Variants in PDE6B observed in about 807,000 individuals in gnomAD.
The protein encoded by PDE6B is rod cGMP-specific 3',5'-cyclic phosphodiesterase subunit beta.
PDE6B carries 106 observed loss-of-function variants against 109.0 expected under a neutral mutation model. The observed-to-expected ratio is 0.97, with a 90% CI of 0.83 to 1.14. The LOEUF is 1.14. PDE6B is among the 50% of genes most tolerant of loss of function. The pLI is 0.00. For synonymous variants in PDE6B, 490 were observed against 471.3 expected (o/e 1.04, Z -0.51); for missense variants, 1,193 against 1,155.6 (o/e 1.03, Z -0.47).
At chr4:655,841 C>T in intron 6 of PDE6B, 99 bp from the exon 7 acceptor site, 1 of 796,190 alleles carries the variant, frequency 1.3e-6, no homozygotes. Flanking sequence ...CCTAGACCAG[C>T]CCCTCTCACC....
Position 660,456 on chromosome 4 carries a change from C to A in PDE6B, c.1468-11C>A, listed in dbSNP as rs1736927234. 1.2e-6 allele frequency: 2 copies of A among 1,613,320 alleles called. No individual in the cohort carries two copies. The highest frequency in any genetic ancestry group is 1.7e-6 in the Non-Finnish European group (2 of 1,179,670). On this transcript the variant is annotated splice_polypyrimidine_tract_variant and intron_variant, in intron 11 of 21. Coordinates refer to ENST00000496514, the MANE Select transcript of PDE6B (RefSeq NM_000283.4). ...AGGCCAACCTCCCTCAGCCCACAAT[C>A]CCTCCCACAGAAGGAGGAGCTGCCA...
chr4:647,461 A>G (rs1735260914), intron 3 of PDE6B, among the ~76,000 whole-genome samples: 1 of 152,052 alleles, frequency 6.6e-6, no homozygotes. Context: ...CTGCCATAAC[A>G]AAATACCACA....
chr4:643,554 T>C (rs2109153824), intron 3 of PDE6B, among the ~76,000 whole-genome samples: 1 of 152,278 alleles, frequency 6.6e-6, no homozygotes, highest in East Asian at 1.9e-4. Flanking sequence ...GCTTTCTTTT[T>C]GGATGATTAT....
In PDE6B at chr4:633,565, A is replaced by T. The variant is rs1734495040; in HGVS notation, c.469-1112A>T. On this transcript the variant is annotated intron_variant, in intron 1 of 21. Coordinates refer to ENST00000496514, the MANE Select transcript of PDE6B (RefSeq NM_000283.4). This position sits in a 1 kb window ranked among gnomAD's most constrained non-coding sequence, Gnocchi z 4.5. ...CTGCAGGGCCACCGTCCCTAGAAAC[A>T]GCAGGAGATGTGAGGCGCATCCCAG... Among the ~76,000 whole-genome samples, 1 of 152,170 alleles carries T rather than the reference A, an allele frequency of 6.6e-6. No individual in the cohort carries two copies. The highest frequency in any genetic ancestry group is 2.1e-4 in the South Asian group (1 of 4,834).
chr4:657,365 C>A lies in PDE6B; in HGVS notation c.1272C>A (p.Phe424Leu), dbSNP rs202194404. ...DEVLMESLTQ[F>L]LGWSVMNTDT... Reference sequence around the variant, plus strand: ...ATCCCCTCCAGTCCCTGACACAGTTCCTGGGCTGGTCAGTGATGAACACCG... The same window carrying A: ...ATCCCCTCCAGTCCCTGACACAGTTACTGGGCTGGTCAGTGATGAACACCG... The change falls in exon 10 of 22, where the codon TTC becomes TTA. Residue 424 changes from phenylalanine (F) to leucine (L), a missense_variant. Transcript: ENST00000496514. 1 of 1,612,930 alleles carries A rather than the reference C, an allele frequency of 6.2e-7. No homozygotes were observed. Among genetic ancestry groups the A allele is most frequent in the African/African-American group, 1.3e-5 (1 of 74,930 alleles).
chr4:630,751 C>T (rs1313706607), intron 1 of PDE6B, among the ~76,000 whole-genome samples: 1 of 152,232 alleles, frequency 6.6e-6, no homozygotes, highest in Admixed American at 6.5e-5. Context: ...TTCCGGCTGC[C>T]TGCTCTGGAC....
rs1297487224 is a variant in PDE6B, at chr4:648,634, C to G, written c.712-5218C>G. 2.6e-5 allele frequency among the ~76,000 whole-genome samples: 4 copies of G among 152,238 alleles called. No individual in the cohort carries two copies. Among genetic ancestry groups the G allele is most frequent in the Non-Finnish European group, 4.4e-5 (3 of 68,054 alleles). On this transcript the variant is annotated intron_variant, in intron 3 of 21. Transcript: ENST00000496514. The surrounding 1 kb of genome is among the most constrained non-coding windows in gnomAD (Gnocchi z 4.5). Reference sequence around the variant, plus strand: ...CCCTTTCTGAAAAGCCTCTCGGACACTCCCATCAGAGCCAACAGAGGCCGC... The same window carrying G: ...CCCTTTCTGAAAAGCCTCTCGGACAGTCCCATCAGAGCCAACAGAGGCCGC...
intron 8 of PDE6B, among the ~76,000 whole-genome samples, chr4:656,503 G>A (rs1030944426): frequency 4.0e-5 from 6 of 151,734 alleles, no homozygotes; most frequent in Admixed American, 2.6e-4. Flanking sequence ...CCGCAAGGCC[G>A]TGACCGCGGC....
At position 636,044 on chromosome 4, in the gene PDE6B, C is replaced by A; in HGVS notation, c.711+75C>A. ...GCCCATCTCGCTGCCTGCACAGAGG[C>A]GGGTGGTGGCAGGTGGTCTTGTGCT... On this transcript the variant is annotated intron_variant, in intron 3 of 21. Transcript: ENST00000496514. This position sits in a 1 kb window ranked among gnomAD's most constrained non-coding sequence, Gnocchi z 4.5. 1.1e-6 allele frequency: 1 copy of A among 881,878 alleles called. No individual in the cohort carries two copies. Among genetic ancestry groups the A allele is most frequent in the Non-Finnish European group, 1.9e-6 (1 of 519,820 alleles). The allele number at this position is 881,878 out of a possible 1,614,324, so 54.6% of individuals were successfully genotyped here. A position where few individuals can be genotyped will look rare whatever the true frequency, so the allele number is the denominator to read the frequency against.
rs1482707772 is a variant in PDE6B at position 648,054 on chromosome 4, A to G, written c.712-5798A>G. ...CGCGCCACTGCACTTTAGCCTGGGCAACAAGAGCAAAACTCCATCTCGAAA... is the reference window on the plus strand; with the variant it reads ...CGCGCCACTGCACTTTAGCCTGGGCGACAAGAGCAAAACTCCATCTCGAAA... On this transcript the variant is annotated intron_variant, in intron 3 of 21. Coordinates refer to ENST00000496514, the MANE Select transcript of PDE6B (RefSeq NM_000283.4). This position sits in a 1 kb window ranked among gnomAD's most constrained non-coding sequence, Gnocchi z 4.5. Among the ~76,000 whole-genome samples the G allele has an allele frequency of 6.6e-6, 1 of 151,794 alleles. No homozygotes were observed. The highest frequency in any genetic ancestry group is 1.9e-4 in the East Asian group (1 of 5,192).
intron 8 of PDE6B, among the ~76,000 whole-genome samples, chr4:656,504 T>C (rs1031886021): frequency 6.6e-6 from 1 of 151,232 alleles, no homozygotes; most frequent in African/African-American, 2.4e-5. Flanking sequence ...CGCAAGGCCG[T>C]GACCGCGGCC....
rs777859120 is a variant in PDE6B at position 665,493 on chromosome 4, G to A, written c.2268+164G>A. Among the ~76,000 whole-genome samples, 25 of 152,114 alleles carry A rather than the reference G, an allele frequency of 1.6e-4. No homozygotes were observed. Among genetic ancestry groups the A allele is most frequent in the Admixed American group, 9.2e-4 (14 of 15,274 alleles). ...CATGTGACATGCGTGTGGGTGGCTC[G>A]GACCTGGGTACAGCTGTGGCTTGGG... is the stretch of plus-strand genomic sequence containing the variant. On this transcript the variant is annotated intron_variant, in intron 19 of 21. Transcript: ENST00000496514. This position sits in a 1 kb window ranked among gnomAD's most constrained non-coding sequence, Gnocchi z 4.0.
Position 662,950 on chromosome 4 carries a change from C to G in PDE6B, c.1833-150C>G, listed in dbSNP as rs1737286339. The G allele has an allele frequency of 1.5e-5, 10 of 685,774 alleles. No individual in the cohort carries two copies. In the South Asian group the frequency reaches 1.5e-4, roughly 11 times the overall value. The allele number at this position is 685,774 out of a possible 1,614,324, so 42.5% of individuals were successfully genotyped here. A position where few individuals can be genotyped will look rare whatever the true frequency, so the allele number is the denominator to read the frequency against. On this transcript the variant is annotated intron_variant, in intron 14 of 21. Transcript: ENST00000496514. This position sits in a 1 kb window ranked among gnomAD's most constrained non-coding sequence, Gnocchi z 4.3. The stretch of plus-strand genomic sequence containing the variant: ...CCCAGGAGGTCAAGGCTGTATTGAG[C>G]CATGATTGCACCACTGCACTCCAGA...
At chr4:647,754 A>G (rs1468991448) in intron 3 of PDE6B, among the ~76,000 whole-genome samples, 1 of 152,102 alleles carries the variant, frequency 6.6e-6, no homozygotes, top group East Asian at 1.9e-4. Flanking sequence ...AGCGGGAACC[A>G]CCCAGCAACA....
At chr4:644,343 T>C (rs1201019107) in intron 3 of PDE6B, among the ~76,000 whole-genome samples, 1 of 152,036 alleles carries the variant, frequency 6.6e-6, no homozygotes, top group African/African-American at 2.4e-5. Flanking sequence ...TGCACTATGG[T>C]ATAAGAACAT....
intron 2 of PDE6B, 108 bp downstream of exon 2, chr4:634,937 C>G: frequency 1.1e-6 from 1 of 902,176 alleles, no homozygotes; most frequent in South Asian, 1.4e-5. Flanking sequence ...GCCCGCCTGC[C>G]CGTGTGTTCT....
At chr4:634,018 C>A (rs929814230) in intron 1 of PDE6B, among the ~76,000 whole-genome samples, 2 of 151,818 alleles carry the variant, frequency 1.3e-5, no homozygotes, top group Non-Finnish European at 2.9e-5. Flanking sequence ...GTGGGTACCC[C>A]CTGGGAGCCA....
chr4:625,901 G>A lies in PDE6B; in HGVS notation c.275G>A (p.Cys92Tyr). 6.2e-7 allele frequency: 1 copy of A among 1,603,526 alleles called. No homozygotes were observed. Among genetic ancestry groups the A allele is most frequent in the Non-Finnish European group, 8.5e-7 (1 of 1,175,928 alleles). ...TGCACCCTCCTGCAGGCCGACCGCTGCAGCCTCTTCATGTACCGCCAGCGC... is the reference window on the plus strand; with the variant it reads ...TGCACCCTCCTGCAGGCCGACCGCTACAGCCTCTTCATGTACCGCCAGCGC... Reference protein sequence around the residue: ...RLCTLLQADRCSLFMYRQRNG... With the variant: ...RLCTLLQADRYSLFMYRQRNG... The change falls in exon 1 of 22, where the codon TGC becomes TAC. Residue 92 changes from cysteine to tyrosine, a missense_variant. By Grantham distance (194) the Cys-to-Tyr change is radical. Coordinates refer to ENST00000496514, the MANE Select transcript of PDE6B (RefSeq NM_000283.4). This position sits in a 1 kb window ranked among gnomAD's most constrained non-coding sequence, Gnocchi z 5.0.
chr4:638,716 A>G (rs761203442), intron 3 of PDE6B, among the ~76,000 whole-genome samples: 4 of 152,296 alleles, frequency 2.6e-5, no homozygotes, highest in East Asian at 1.9e-4. Flanking sequence ...GAGGGCCCCA[A>G]TGAGGGTCCC....
Sources: allele counts gnomAD v4.1 joint callset (sites outside exome capture counted in the v4.1 genomes callset), GRCh38; gene constraint gnomAD v4.1.1; non-coding constraint Gnocchi (gnomAD v3.1); transcripts MANE v1.5; gene names NCBI Gene and HGNC (gene_info 2026-07-23, HGNC 2026-07-21).